PIWIL1: variants seen among roughly 807,000 people sequenced by gnomAD.
PIWIL1 encodes the protein piwi like RNA-mediated gene silencing 1, also known as piwi-like protein 1.
PIWIL1 carries 73 observed loss-of-function variants against 114.4 expected under a neutral mutation model. That is an observed-to-expected ratio of 0.64 (90% confidence interval 0.53 to 0.78). The LOEUF is 0.78. PIWIL1 is among the 30% of genes least tolerant of loss of function. PIWIL1 has a pLI of 0.00. For missense variants in PIWIL1, 723 were observed against 1,063.1 expected (o/e 0.68, Z 4.45); for synonymous variants, 375 against 369.0 (o/e 1.02, Z -0.19).
At position 130,371,544 on chromosome 12, in the gene PIWIL1, G is replaced by A; in HGVS notation, c.2532G>A (p.Gln844=). 1 of 1,614,142 alleles carries A rather than the reference G, an allele frequency of 6.2e-7. No homozygotes were observed. Among genetic ancestry groups the A allele is most frequent in the Non-Finnish European group, 8.5e-7 (1 of 1,180,026 alleles). ...ACAAGCTGGCTTTTCTTGTTGGCCA[G>A]AGTATTCACAGAGAGCCAAATCTGT... ...YAHKLAFLVG[Q]SIHREPNLSL... is the part of the protein sequence containing the mutation. The change falls in exon 21 of 21, where the codon CAG becomes CAA. Residue 844 remains glutamine (Q), a synonymous_variant. Coordinates refer to ENST00000245255, the MANE Select transcript of PIWIL1 (RefSeq NM_004764.5).
rs2136142627 is a variant in PIWIL1 at position 130,349,416 on chromosome 12, A to C, written c.912A>C (p.Ile304=). The C allele has an allele frequency of 4.3e-6, 7 of 1,609,262 alleles. No homozygotes were observed. In the East Asian group the frequency reaches 1.6e-4, roughly 36 times the overall value. ...AAGAACAAGTTTCCAAAGAACTAAT[A>C]GGTTTAGTTGTTCTTACCAAGTAAG... is the stretch of plus-strand genomic sequence containing the variant. ...KFQEQVSKEL[I]GLVVLTKYNN... is the part of the protein sequence containing the mutation. The change falls in exon 8 of 21, where the codon ATA becomes ATC. Residue 304 remains isoleucine, a synonymous_variant. Transcript: ENST00000245255.
At chr12:130,350,364 C>A in intron 9 of PIWIL1, among the ~76,000 whole-genome samples, 1 of 152,200 alleles carries the variant, frequency 6.6e-6, no homozygotes, top group East Asian at 1.9e-4. Context: ...TTTGAACCTT[C>A]AGTATCATTT....
chr12:130,412,599 G>T, the PIWIL1 span: 4 of 1,609,402 alleles, frequency 2.5e-6, no homozygotes, highest in Non-Finnish European at 3.4e-6. Flanking sequence ...AGGGAAGGTC[G>T]AATAGGGGTT....
downstream of PIWIL1, among the ~76,000 whole-genome samples, chr12:130,374,803 C>G (rs774454785): frequency 5.0e-4 from 76 of 152,216 alleles, no homozygotes; most frequent in Non-Finnish European, 9.1e-4. Context: ...TCTTTGCAGT[C>G]TCTTTTTTGA....
At chr12:130,399,582 T>C in the PIWIL1 span, 59 of 1,426,016 alleles carry the variant, frequency 4.1e-5, no homozygotes, top group Non-Finnish European at 5.2e-5. Context: ...ATTTACGCTT[T>C]TCGGCCCAAG....
the PIWIL1 span, among the ~76,000 whole-genome samples, chr12:130,378,903 G>A: frequency 1.3e-5 from 2 of 152,170 alleles, no homozygotes; most frequent in African/African-American, 2.4e-5. Flanking sequence ...CTGGCTTGCT[G>A]TTTTGCTTTC....
chr12:130,396,229 TTAA>T, the PIWIL1 span: 5 of 152,784 alleles, frequency 3.3e-5, no homozygotes, highest in African/African-American at 9.6e-5. Flanking sequence ...TGGATTTCCT[TTAA>T]TAATAAATCT....
the PIWIL1 span, among the ~76,000 whole-genome samples, chr12:130,402,377 A>G: frequency 1.3e-5 from 2 of 152,060 alleles, no homozygotes; most frequent in Non-Finnish European, 2.9e-5. Context: ...TGTCCCTCTG[A>G]CTGGCAGTCA....
At chr12:130,359,193 C>G (rs1277140173) in intron 14 of PIWIL1, among the ~76,000 whole-genome samples, 1 of 152,132 alleles carries the variant, frequency 6.6e-6, no homozygotes, top group Non-Finnish European at 1.5e-5. Context: ...CACACCCAGC[C>G]TAATGTAGCA....
At chr12:130,352,147 A>G (rs2073229160) in intron 9 of PIWIL1, among the ~76,000 whole-genome samples, 1 of 152,196 alleles carries the variant, frequency 6.6e-6, no homozygotes, top group African/African-American at 2.4e-5. Context: ...AATTAATGAA[A>G]GAGGTTGACG....
chr12:130,353,139 G>A (rs1484821232), intron 9 of PIWIL1, among the ~76,000 whole-genome samples: 2 of 152,180 alleles, frequency 1.3e-5, no homozygotes, highest in Non-Finnish European at 2.9e-5. Flanking sequence ...ATGTTCCTCT[G>A]GTGTGCTCAG....
At chr12:130,360,250 C>T (rs2073471504) in intron 14 of PIWIL1, among the ~76,000 whole-genome samples, 1 of 152,172 alleles carries the variant, frequency 6.6e-6, no homozygotes, top group Admixed American at 6.5e-5. Context: ...GTAATGGAAA[C>T]ACCCAAGGTG....
downstream of PIWIL1, among the ~76,000 whole-genome samples, chr12:130,373,731 G>T (rs997551318): frequency 6.6e-6 from 1 of 152,080 alleles, no homozygotes; most frequent in Admixed American, 6.5e-5. Context: ...TAGTTGAAAG[G>T]GGTCTCCTTA....
At chr12:130,378,238 A>G in the PIWIL1 span, among the ~76,000 whole-genome samples, 1 of 152,128 alleles carries the variant, frequency 6.6e-6, no homozygotes, top group South Asian at 2.1e-4. Flanking sequence ...ACCGGGTAGC[A>G]TGCACTCTTG....
intron 1 of PIWIL1, among the ~76,000 whole-genome samples, chr12:130,340,646 T>TGGGGGGGGGGGGGGGGGGGGGG (rs143005039): frequency 1.4e-5 from 1 of 72,804 alleles, no homozygotes; most frequent in Non-Finnish European, 2.6e-5. Flanking sequence ...GGAGGGGGGG[T>TGGGGGGGGGGGGGGGGGGGGGG]GGGGGGAGGG....
the PIWIL1 span, among the ~76,000 whole-genome samples, chr12:130,404,152 G>A: frequency 0.3 from 46,344 of 152,006 alleles, 7,497 homozygotes; most frequent in East Asian, 0.65. Context: ...CAAGGGAATC[G>A]GTTGATAAGA....
chr12:130,339,151 C>T (rs1196394142), intron 1 of PIWIL1, among the ~76,000 whole-genome samples: 3 of 152,186 alleles, frequency 2.0e-5, no homozygotes, highest in East Asian at 2.0e-4. Flanking sequence ...GACGGAACTC[C>T]GGAGGACCCC....
chr12:130,367,354 T>G, intron 19 of PIWIL1, 96 bp downstream of exon 19: 1 of 1,148,412 alleles, frequency 8.7e-7, no homozygotes, highest in Non-Finnish European at 1.2e-6. Context: ...ACATTTTACT[T>G]TTGTTCTTAT....
At chr12:130,412,871 A>C in the PIWIL1 span, 1 of 1,236,978 alleles carries the variant, frequency 8.1e-7, no homozygotes, top group South Asian at 1.6e-5. Flanking sequence ...AAGTGAGTGT[A>C]GTCGAAAATA....
Sources: gnomAD v4.1 joint callset for allele counts (sites outside exome capture counted in the v4.1 genomes callset) on GRCh38, gnomAD v4.1.1 for gene constraint, MANE v1.5 for transcripts, NCBI Gene and HGNC (gene_info 2026-07-23, HGNC 2026-07-21) for gene names.